The following SEPHS1 variants were observed in gnomAD, a reference collection of about 807,000 sequenced individuals.
The protein encoded by SEPHS1 is selenophosphate synthetase 1, also known as zincore component SEPHS1.
Under a neutral mutation model 39.2 loss-of-function variants are expected in SEPHS1, and 7 were observed. The observed-to-expected ratio is 0.18, with a 90% CI of 0.10 to 0.34. The LOEUF (loss-of-function observed/expected upper bound fraction) is 0.34, where lower values mean the gene tolerates loss of function less well. Among genes scored for constraint, SEPHS1 ranks in the 10% least tolerant of loss-of-function variants. SEPHS1 has a pLI of 1.00. For synonymous variants in SEPHS1, 190 were observed against 195.5 expected (o/e 0.97, Z 0.23); for missense variants, 253 against 514.5 (o/e 0.49, Z 4.92).
In SEPHS1 at chr10:13,319,192, G is replaced by T; in HGVS notation, c.1129C>A (p.Pro377Thr). ...IDKPRIIEVAPQVATQNVNPT... is the reference protein window; with the variant it reads ...IDKPRIIEVATQVATQNVNPT... ...TTCACATTTTGAGTGGCCACTTGTGGTGCGACCTCGATGATCCGGGGTTTG... is the reference window on the plus strand; with the variant it reads ...TTCACATTTTGAGTGGCCACTTGTGTTGCGACCTCGATGATCCGGGGTTTG... Residue 377 changes from proline to threonine, a missense_variant, in exon 9 of 9, where the codon CCA (proline) becomes ACA (threonine). Around this residue, in one of 4 missense-constraint regions of SEPHS1, gnomAD observed 19 missense variants for 26.1 expected, o/e 0.73. Transcript: ENST00000327347. The T allele has an allele frequency of 6.2e-7, 1 of 1,613,814 alleles. No homozygotes were observed. The highest frequency in any genetic ancestry group is 1.1e-5 in the South Asian group (1 of 91,000).
chr10:13,323,571 T>G (rs944490400), intron 7 of SEPHS1, among the ~76,000 whole-genome samples: 1 of 151,972 alleles, frequency 6.6e-6, no homozygotes, highest in Non-Finnish European at 1.5e-5. Context: ...GCCAGGCTGA[T>G]CTTGAACTCC....
intron 3 of SEPHS1, 93 bp from the exon 4 acceptor site, chr10:13,336,443 G>T: frequency 1.1e-6 from 1 of 941,944 alleles, no homozygotes; most frequent in Admixed American, 2.0e-5. Context: ...CAGAGAACGT[G>T]GAGACTTTCC....
At chr10:13,320,446 G>T (rs1038172077) in intron 8 of SEPHS1, among the ~76,000 whole-genome samples, 1 of 151,878 alleles carries the variant, frequency 6.6e-6, no homozygotes, top group Non-Finnish European at 1.5e-5. Flanking sequence ...CTCCCAAAGT[G>T]CTGGGATTAC....
chr10:13,329,583 TA>T, intron 6 of SEPHS1, 114 bp downstream of exon 6: 2 of 701,212 alleles, frequency 2.9e-6, no homozygotes, highest in South Asian at 1.8e-5. Context: ...AGGACTTGAC[TA>T]ATATTAACTC....
chr10:13,333,275 A>G (rs1303927880), intron 5 of SEPHS1, among the ~76,000 whole-genome samples: 1 of 151,732 alleles, frequency 6.6e-6, no homozygotes, highest in Non-Finnish European at 1.5e-5. Flanking sequence ...CTGGGATTAC[A>G]GGCATGTACC....
At chr10:13,329,609 T>TA in intron 6 of SEPHS1, 89 bp downstream of exon 6, 1 of 978,678 alleles carries the variant, frequency 1.0e-6, no homozygotes, top group Non-Finnish European at 1.6e-6. Context: ...GATATGAAAC[T>TA]AAAAAACCTC....
At chr10:13,346,417 C>T (rs1833922950) in intron 1 of SEPHS1, among the ~76,000 whole-genome samples, 1 of 152,164 alleles carries the variant, frequency 6.6e-6, no homozygotes, top group African/African-American at 2.4e-5. Flanking sequence ...TCTCACGAAG[C>T]CCGAGTTTGG....
At chr10:13,328,554 A>G (rs1833373532) in intron 6 of SEPHS1, 104 bp from the exon 7 acceptor site, 1 of 789,578 alleles carries the variant, frequency 1.3e-6, no homozygotes. Context: ...TTTAACTTCT[A>G]GGGACTTTAA....
At chr10:13,341,002 A>G (rs1269929379) in intron 2 of SEPHS1, among the ~76,000 whole-genome samples, 1 of 152,252 alleles carries the variant, frequency 6.6e-6, no homozygotes, top group East Asian at 1.9e-4. Flanking sequence ...CTGAAAAGAC[A>G]TTTTTATATA....
intron 3 of SEPHS1, among the ~76,000 whole-genome samples, chr10:13,336,657 G>A (rs538121632): frequency 7.2e-5 from 11 of 152,262 alleles, no homozygotes; most frequent in African/African-American, 2.6e-4. Flanking sequence ...AGGGGAAGGG[G>A]TATATGTGCA....
At chr10:13,343,466 G>A (rs2130698402) in intron 2 of SEPHS1, among the ~76,000 whole-genome samples, 1 of 152,226 alleles carries the variant, frequency 6.6e-6, no homozygotes. Context: ...GAGTAAAGGA[G>A]ACCCCAGGCT....
chr10:13,318,059 C>G lies in SEPHS1; in HGVS notation c.*1083G>C, dbSNP rs1328771269. The G allele has an allele frequency of 6.6e-6, 1 of 152,110 alleles. No homozygotes were observed. The highest frequency in any genetic ancestry group is 1.9e-4 in the East Asian group (1 of 5,200). 9.4% of individuals were successfully genotyped at this position (152,110 alleles called of 1,614,324 possible). ...GCTTCTAAAATAATACTAAAAGGGG[C>G]ATCTGATTATACAAGAGCAATTTAA... On this transcript the variant is annotated 3_prime_UTR_variant, in exon 9 of 9. Coordinates refer to ENST00000327347, the MANE Select transcript of SEPHS1 (RefSeq NM_012247.5).
intron 5 of SEPHS1, among the ~76,000 whole-genome samples, chr10:13,330,999 G>A (rs956260352): frequency 2.0e-5 from 3 of 150,568 alleles, no homozygotes; most frequent in Non-Finnish European, 1.5e-5. Context: ...CCCTACCCCC[G>A]ACAGGCCCTG....
Position 13,322,974 on chromosome 10 carries a change from C to A in SEPHS1, c.825G>T (p.Ala275=), listed in dbSNP as rs767989884. The A allele has an allele frequency of 1.1e-5, 17 of 1,613,936 alleles. No homozygotes were observed. Among genetic ancestry groups the A allele is most frequent in the Non-Finnish European group, 1.4e-5 (17 of 1,180,000 alleles). ...DITGFGILGH[A]QNLAKQQRNE... ...TCCTCTGCTGCTTGGCCAGGTTCTG[C>A]GCATGGCCCAAAATCCCGAAGCCCG... Residue 275 remains alanine, a synonymous_variant, in exon 8 of 9, where the codon GCG becomes GCT. Coordinates refer to ENST00000327347, the MANE Select transcript of SEPHS1 (RefSeq NM_012247.5).
intron 2 of SEPHS1, among the ~76,000 whole-genome samples, chr10:13,342,140 G>A (rs575140322): frequency 1.1e-3 from 160 of 151,864 alleles, no homozygotes; most frequent in Admixed American, 2.2e-3. Context: ...GGTGGCGGGC[G>A]CCTGTAGTCC....
rs552621122 is a variant in SEPHS1, at chr10:13,333,135, ATTT to A, written c.560+679_560+681del. Among the ~76,000 whole-genome samples the A allele has an allele frequency of 7.4e-3, 1,060 of 142,858 alleles. 7 individuals are homozygous for A. Among genetic ancestry groups the A allele is most frequent in the African/African-American group, 0.026 (1,023 of 39,688 alleles). The allele number at this position is 142,858 out of a possible 152,430, so 93.7% of individuals were successfully genotyped here. ...ACGCAAATTATATCTTAATACATCT[ATTT>A]TTTTTTTTTTTTGAGATGGAGTTTC... On this transcript the variant is annotated intron_variant, in intron 5 of 8. Coordinates refer to ENST00000327347, the MANE Select transcript of SEPHS1 (RefSeq NM_012247.5).
chr10:13,319,404 C>T (rs1445228895), intron 8 of SEPHS1, 48 bp from the exon 9 acceptor site: 7 of 1,583,944 alleles, frequency 4.4e-6, no homozygotes, highest in South Asian at 1.1e-5. Context: ...ATGACAGCAG[C>T]TTCTCTGCCT....
intron 8 of SEPHS1, among the ~76,000 whole-genome samples, chr10:13,320,187 A>G (rs953566054): frequency 8.2e-5 from 12 of 145,998 alleles, no homozygotes; most frequent in Non-Finnish European, 1.2e-4. Flanking sequence ...TAGGCCATAA[A>G]TTTTTTTTTT....
chr10:13,318,866 A>G lies in SEPHS1; in HGVS notation c.*276T>C, dbSNP rs1564439710. Reference sequence around the variant, plus strand: ...CTTTAAAAAGCCTATGCGGCAAGAGATAAGTGTCTAAAGATTCAAAATGAA... The same window carrying G: ...CTTTAAAAAGCCTATGCGGCAAGAGGTAAGTGTCTAAAGATTCAAAATGAA... On this transcript the variant is annotated 3_prime_UTR_variant, in exon 9 of 9. Coordinates refer to ENST00000327347, the MANE Select transcript of SEPHS1 (RefSeq NM_012247.5). 3 of 413,400 alleles carry G rather than the reference A, an allele frequency of 7.3e-6. No homozygotes were observed. Among genetic ancestry groups the G allele is most frequent in the Non-Finnish European group, 1.3e-5 (3 of 233,704 alleles). The allele number at this position is 413,400 out of a possible 1,614,324, so 25.6% of individuals were successfully genotyped here.
Sources: allele counts gnomAD v4.1 joint callset (sites outside exome capture counted in the v4.1 genomes callset), GRCh38; gene constraint gnomAD v4.1.1; regional missense constraint gnomAD v4.1.1; transcripts MANE v1.5; gene names NCBI Gene and HGNC (gene_info 2026-07-23, HGNC 2026-07-21).